Variants in TRIM9 observed in about 807,000 individuals in gnomAD.
TRIM9 encodes tripartite motif containing 9.
TRIM9 carries 26 observed loss-of-function variants against 78.3 expected under a neutral mutation model. The ratio of observed to expected loss-of-function variants is 0.33; its 90% confidence interval spans 0.24 to 0.46. TRIM9 has a LOEUF of 0.46. Among genes scored for constraint, TRIM9 ranks in the 20% least tolerant of loss-of-function variants. The pLI is 1.00. For synonymous variants in TRIM9, 398 were observed against 416.5 expected (o/e 0.96, Z 0.54); for missense variants, 787 against 1,036.4 (o/e 0.76, Z 3.30).
At chr14:50,995,112 A>C (rs2054030021) in intron 7 of TRIM9, among the ~76,000 whole-genome samples, 1 of 151,908 alleles carries the variant, frequency 6.6e-6, no homozygotes, top group South Asian at 2.1e-4. Flanking sequence ...TCAACCTCCC[A>C]AGTATCTGGG....
intron 1 of TRIM9, among the ~76,000 whole-genome samples, chr14:51,049,086 G>A (rs1287659801): frequency 6.6e-6 from 1 of 152,102 alleles, no homozygotes; most frequent in Non-Finnish European, 1.5e-5. Flanking sequence ...TTTTCAGATG[G>A]AGTCTTGCTT....
At chr14:51,030,094 TC>T (rs1257968471) in intron 1 of TRIM9, among the ~76,000 whole-genome samples, 1 of 152,204 alleles carries the variant, frequency 6.6e-6, no homozygotes, top group African/African-American at 2.4e-5. Context: ...TTTGAAAAAG[TC>T]CCCTAAGAGA....
chr14:51,049,007 C>T (rs918692595), intron 1 of TRIM9, among the ~76,000 whole-genome samples: 7 of 151,534 alleles, frequency 4.6e-5, no homozygotes, highest in Admixed American at 3.3e-4. Context: ...AAGGAAACAT[C>T]CCATCTTGGC....
rs185003795 is a variant in TRIM9 at position 51,048,744 on chromosome 14, G to A, written c.823-23384C>T. ...TCACGCCTGTAATCCCAGCACTTTG[G>A]AAGGCCGAGGCAGGCGGATCACGAG... is the stretch of plus-strand genomic sequence containing the variant. On this transcript the variant is annotated intron_variant, in intron 1 of 12. Transcript: ENST00000684578. 4.9e-4 allele frequency among the ~76,000 whole-genome samples: 74 copies of A among 152,160 alleles called. 1 individual carries two copies. In the East Asian group the frequency reaches 0.014, roughly 29 times the overall value.
chr14:50,988,805 T>C lies in TRIM9; in HGVS notation c.1604-2661A>G, dbSNP rs990495757. Among the ~76,000 whole-genome samples the C allele has an allele frequency of 2.6e-5, 4 of 152,206 alleles. No homozygotes were observed. The East Asian group carries it at 7.7e-4, about 29-fold the overall frequency. ...CTTCCCCATGGGCATGTAGTGCACA[T>C]GCTGGGTCAGCTGCCTGTAAGTCAT... On this transcript the variant is annotated intron_variant, in intron 7 of 12. Coordinates refer to ENST00000684578, the MANE Select transcript of TRIM9 (RefSeq NM_001387360.1).
In TRIM9 at chr14:51,094,605, T is replaced by C; in HGVS notation, c.335A>G (p.His112Arg). The change falls in exon 1 of 13, where the codon CAC (histidine) becomes CGC (arginine). Residue 112 changes from histidine to arginine, a missense_variant. By Grantham distance (29) the His-to-Arg change is conservative (BLOSUM62 0). Around this residue, in one of 3 missense-constraint regions of TRIM9, gnomAD observed 352 missense variants for 472.3 expected, o/e 0.75. Coordinates refer to ENST00000684578, the MANE Select transcript of TRIM9 (RefSeq NM_001387360.1). The stretch of plus-strand genomic sequence containing the variant: ...CACCGGGGCCAGGGCCGGTGACAAG[T>C]GGGTGGCCGGTGGCGGCATAGCCGG... ...FPPAMPPPAT[H>R]LSPALAPVPR... 9 of 1,609,444 alleles carry C rather than the reference T, an allele frequency of 5.6e-6. No homozygotes were observed. Among genetic ancestry groups the C allele is most frequent in the Non-Finnish European group, 7.6e-6 (9 of 1,177,432 alleles).
intron 1 of TRIM9, among the ~76,000 whole-genome samples, chr14:51,069,015 G>A (rs1311634071): frequency 6.6e-6 from 1 of 152,110 alleles, no homozygotes; most frequent in Non-Finnish European, 1.5e-5. Context: ...ATGAGTGTGG[G>A]GTGCCAGTTA....
In TRIM9 at chr14:50,982,924, A is replaced by T. The variant is rs1453442721; in HGVS notation, c.1858+18T>A. The T allele has an allele frequency of 1.9e-6, 3 of 1,546,376 alleles. No individual in the cohort carries two copies. The highest frequency in any genetic ancestry group is 8.7e-7 in the Non-Finnish European group (1 of 1,143,402). On this transcript the variant is annotated intron_variant, in intron 10 of 12. Transcript: ENST00000684578. ...TTTGGTCTTTGCTATTTGGTAACAG[A>T]ATAAGGTTATTCCATACCTGCCAAC...
intron 7 of TRIM9, among the ~76,000 whole-genome samples, chr14:50,993,048 C>T (rs1045467994): frequency 8.5e-5 from 13 of 152,142 alleles, no homozygotes; most frequent in Non-Finnish European, 1.3e-4. Context: ...GTGATGTCAA[C>T]CCAAGCAGGG....
intron 1 of TRIM9, among the ~76,000 whole-genome samples, chr14:51,054,595 T>G (rs567135486): frequency 6.6e-6 from 1 of 152,102 alleles, no homozygotes; most frequent in South Asian, 2.1e-4. Flanking sequence ...TTTTGTTTTT[T>G]TTTTAGAAGG....
In TRIM9 at chr14:50,975,758, A is replaced by G. The variant is rs977947810; in HGVS notation, c.*1533T>C. On this transcript the variant is annotated 3_prime_UTR_variant, in exon 13 of 13. Transcript: ENST00000684578. Reference sequence around the variant, plus strand: ...TGAATTTCTTGGCTCACTGAAAAATATTTAGACAACTAATTAGAACTTCTT... The same window carrying G: ...TGAATTTCTTGGCTCACTGAAAAATGTTTAGACAACTAATTAGAACTTCTT... 1 of 152,628 alleles carries G rather than the reference A, an allele frequency of 6.6e-6. No individual in the cohort carries two copies. Among genetic ancestry groups the G allele is most frequent in the Non-Finnish European group, 1.5e-5 (1 of 68,042 alleles). 9.5% of individuals were successfully genotyped at this position (152,628 alleles called of 1,614,324 possible). A position where few individuals can be genotyped will look rare whatever the true frequency, so the allele number is the denominator to read the frequency against.
chr14:51,067,273 TGTAA>T (rs375427514), intron 1 of TRIM9, among the ~76,000 whole-genome samples: 62 of 152,336 alleles, frequency 4.1e-4, no homozygotes, highest in African/African-American at 1.5e-3. Flanking sequence ...TCTTTTGTAC[TGTAA>T]GTATCTTCCA....
chr14:51,022,906 T>C lies in TRIM9; in HGVS notation c.970A>G (p.Ile324Val). The change falls in exon 3 of 13, where the codon ATC becomes GTC. Residue 324 changes from isoleucine (I) to valine (V), a missense_variant. Coordinates refer to ENST00000684578, the MANE Select transcript of TRIM9 (RefSeq NM_001387360.1). Reference protein sequence around the residue: ...ACLVAQCDALIDALNRRKAQL... With the variant: ...ACLVAQCDALVDALNRRKAQL... Reference sequence around the variant, plus strand: ...GCTTTTCTTCTGTTGAGGGCATCGATGAGGGCATCACATTGGGCCACCAGA... The same window carrying C: ...GCTTTTCTTCTGTTGAGGGCATCGACGAGGGCATCACATTGGGCCACCAGA... The C allele has an allele frequency of 6.2e-7, 1 of 1,614,154 alleles. No homozygotes were observed. The highest frequency in any genetic ancestry group is 8.5e-7 in the Non-Finnish European group (1 of 1,180,028).
In TRIM9 at chr14:51,094,751, C is replaced by T; in HGVS notation, c.189G>A (p.Leu63=). The T allele has an allele frequency of 6.5e-7, 1 of 1,534,314 alleles. No individual in the cohort carries two copies. The highest frequency in any genetic ancestry group is 8.8e-7 in the Non-Finnish European group (1 of 1,141,854). Residue 63 remains leucine (L), a synonymous_variant, in exon 1 of 13, where the codon CTG becomes CTA. Coordinates refer to ENST00000684578, the MANE Select transcript of TRIM9 (RefSeq NM_001387360.1). ...AGSGVSDYDY[L]DLDKMSLYSE... The stretch of plus-strand genomic sequence containing the variant: ...TGTATAGGCTCATCTTGTCCAGGTC[C>T]AGATAGTCATAGTCGGAGACCCCGG...
At chr14:51,079,354 T>G (rs2140295292) in intron 1 of TRIM9, among the ~76,000 whole-genome samples, 1 of 152,362 alleles carries the variant, frequency 6.6e-6, no homozygotes, top group South Asian at 2.1e-4. Context: ...ACAGATGGAA[T>G]TCATAAATTA....
intron 1 of TRIM9, among the ~76,000 whole-genome samples, chr14:51,027,471 A>G (rs1481452224): frequency 6.6e-6 from 1 of 151,360 alleles, no homozygotes; most frequent in South Asian, 2.1e-4. Flanking sequence ...TGTTTTCTTC[A>G]TTCTTGCTCA....
chr14:51,009,968 A>T (rs1040914258), intron 4 of TRIM9, among the ~76,000 whole-genome samples: 5 of 152,198 alleles, frequency 3.3e-5, no homozygotes, highest in African/African-American at 9.7e-5. Flanking sequence ...AGGTGTCAAG[A>T]AGGTAGACAT....
At chr14:51,016,722 T>A (rs1012556198) in intron 3 of TRIM9, among the ~76,000 whole-genome samples, 1 of 152,058 alleles carries the variant, frequency 6.6e-6, no homozygotes, top group African/African-American at 2.4e-5. Flanking sequence ...ACAGTTGTAC[T>A]CCATGGAAAA....
chr14:51,061,406 CTG>C (rs2140158813), intron 1 of TRIM9, among the ~76,000 whole-genome samples: 1 of 131,230 alleles, frequency 7.6e-6, no homozygotes, highest in South Asian at 2.3e-4. Context: ...AAGCAAGACT[CTG>C]TCTCAAGAAA....
Sources: gnomAD v4.1 joint callset for allele counts (sites outside exome capture counted in the v4.1 genomes callset) on GRCh38, gnomAD v4.1.1 for gene constraint, gnomAD v4.1.1 regional missense constraint, MANE v1.5 for transcripts, NCBI Gene and HGNC (gene_info 2026-07-23, HGNC 2026-07-21) for gene names.